Variants in ZNF827 observed in about 807,000 individuals in gnomAD.
The protein encoded by ZNF827 is zinc finger protein 827.
A neutral mutation model predicts 102.4 loss-of-function variants in ZNF827; 13 were observed. The ratio of observed to expected loss-of-function variants is 0.13; its 90% CI spans 0.08 to 0.20. The LOEUF is 0.20. Ranked by LOEUF, ZNF827 falls within the 10% of genes least tolerant of loss-of-function variation. ZNF827 has a pLI of 1.00. For missense variants in ZNF827, 1,103 were observed against 1,344.4 expected (o/e 0.82, Z 2.81); for synonymous variants, 523 against 536.2 (o/e 0.98, Z 0.34).
intron 5 of ZNF827, among the ~76,000 whole-genome samples, chr4:145,849,796 C>G (rs991834529): frequency 6.6e-6 from 1 of 152,178 alleles, no homozygotes; most frequent in African/African-American, 2.4e-5. Context: ...TGTTCGAGAT[C>G]ACAGATGGTA....
chr4:145,834,979 G>A (rs1287451787), intron 7 of ZNF827: 1 of 152,174 alleles, frequency 6.6e-6, no homozygotes, highest in African/African-American at 2.4e-5. Flanking sequence ...GCAGCGGCCA[G>A]GCGTTCCTCC....
chr4:145,823,527 T>TG lies in ZNF827; in HGVS notation c.2280-3dup. 3 of 1,466,116 alleles carry TG rather than the reference T, an allele frequency of 2.0e-6. No homozygotes were observed. The highest frequency in any genetic ancestry group is 1.9e-6 in the Non-Finnish European group (2 of 1,074,990). The allele number at this position is 1,466,116 out of a possible 1,614,324, so 90.8% of individuals were successfully genotyped here. On this transcript the variant is annotated splice_region_variant and splice_polypyrimidine_tract_variant and intron_variant, in intron 7 of 14. Transcript: ENST00000508784. ...AATGTGTCTTCTGAAAAGAAAGGGC[T>TG]GGGGTGGGGGAGGGGGAGTGAAGTT...
chr4:145,922,941 C>T (rs1422201627), intron 1 of ZNF827, among the ~76,000 whole-genome samples: 5 of 152,156 alleles, frequency 3.3e-5, no homozygotes, highest in Admixed American at 6.5e-5. Flanking sequence ...CTTCCCAATA[C>T]GGTCCTTAAA....
chr4:145,808,244 C>T (rs1014755437), intron 8 of ZNF827, among the ~76,000 whole-genome samples: 2 of 152,120 alleles, frequency 1.3e-5, no homozygotes, highest in Non-Finnish European at 2.9e-5. Context: ...CATACTCTAA[C>T]AAAGACAGCC....
At chr4:145,783,620 C>T (rs535391539) in intron 8 of ZNF827, among the ~76,000 whole-genome samples, 4 of 152,364 alleles carry the variant, frequency 2.6e-5, no homozygotes, top group Middle Eastern at 3.4e-3. Flanking sequence ...GCCATGGAAG[C>T]GGCTTGGGTA....
In ZNF827 at chr4:145,828,138, C is replaced by G. The variant is rs146088010; in HGVS notation, c.2280-4613G>C. ...AAAACAATCCATGAAATGCACTGGA[C>G]TTTACGACGTGCCCCGAAGCATGTT... On this transcript the variant is annotated intron_variant, in intron 7 of 14. Transcript: ENST00000508784. Among the ~76,000 whole-genome samples, 3 of 152,282 alleles carry G rather than the reference C, an allele frequency of 2.0e-5. No homozygotes were observed. In the East Asian group the frequency reaches 5.8e-4, roughly 29 times the overall value.
chr4:145,781,195 C>CAAAAAAAAAAAAAAAAAAA (rs10605153), intron 8 of ZNF827, among the ~76,000 whole-genome samples: 45 of 56,552 alleles, frequency 8.0e-4, no homozygotes, highest in South Asian at 2.2e-3. Context: ...GACACCATCT[C>CAAAAAAAAAAAAAAAAAAA]AAAAAAAAAA....
intron 7 of ZNF827, chr4:145,831,840 G>A (rs1455519915): frequency 6.7e-6 from 1 of 148,222 alleles, no homozygotes; most frequent in African/African-American, 2.5e-5. Context: ...ATGGGTGATG[G>A]GAATATAGTG....
intron 8 of ZNF827, among the ~76,000 whole-genome samples, chr4:145,808,360 A>T (rs1044058258): frequency 2.0e-5 from 3 of 151,732 alleles, no homozygotes; most frequent in Non-Finnish European, 4.4e-5. Flanking sequence ...AATACAGCTG[A>T]TTTCCCTGAT....
intron 2 of ZNF827, among the ~76,000 whole-genome samples, chr4:145,897,487 C>G (rs1751071308): frequency 6.6e-6 from 1 of 152,184 alleles, no homozygotes; most frequent in Admixed American, 6.5e-5. Flanking sequence ...GGTCTCCATT[C>G]TGGACCTACT....
intron 2 of ZNF827, 108 bp from the exon 3 acceptor site, chr4:145,892,523 G>A: frequency 1.6e-6 from 2 of 1,233,864 alleles, no homozygotes. Context: ...AATGATTTGG[G>A]TTTTTTTCTT....
At chr4:145,919,185 T>C (rs1026693129) in intron 1 of ZNF827, among the ~76,000 whole-genome samples, 1 of 152,150 alleles carries the variant, frequency 6.6e-6, no homozygotes, top group African/African-American at 2.4e-5. Context: ...GACCAGTAAG[T>C]GGAGGCTGCA....
chr4:145,910,142 G>C (rs537875951), intron 1 of ZNF827, among the ~76,000 whole-genome samples: 3 of 152,146 alleles, frequency 2.0e-5, no homozygotes, highest in African/African-American at 7.2e-5. Flanking sequence ...GTCCACACAC[G>C]GGGGGAGGGA....
intron 7 of ZNF827, among the ~76,000 whole-genome samples, chr4:145,829,309 T>C (rs561436868): frequency 3.5e-4 from 54 of 152,318 alleles, no homozygotes; most frequent in African/African-American, 1.2e-3. Context: ...GAAATTCTAT[T>C]AAATGTAAGA....
rs1466563120 is a variant in ZNF827, at chr4:145,902,603, G to A, written c.656C>T (p.Ala219Val). 1 of 1,614,080 alleles carries A rather than the reference G, an allele frequency of 6.2e-7. No individual in the cohort carries two copies. The highest frequency in any genetic ancestry group is 8.5e-7 in the Non-Finnish European group (1 of 1,179,960). The part of the protein sequence containing the change: ...DSAILKLKAA[A>V]NAVLQDKSLT... ...AGATTTGTCCTGCAGAACGGCATTG[G>A]CTGCAGCTTTCAGTTTTAGGATGGC... Residue 219 changes from alanine to valine, a missense_variant, in exon 2 of 15, where the codon GCC (alanine) becomes GTC (valine). Ala to Val is a moderately conservative substitution (Grantham distance 64). Around this residue, in one of 5 missense-constraint regions of ZNF827, gnomAD observed 441 missense variants for 458.6 expected, o/e 0.96. Coordinates refer to ENST00000508784, the MANE Select transcript of ZNF827 (RefSeq NM_001306215.2). This position sits in a 1 kb window ranked among gnomAD's most constrained non-coding sequence, Gnocchi z 4.3.
At chr4:145,842,333 GA>G (rs1367497005) in intron 7 of ZNF827, among the ~76,000 whole-genome samples, 1 of 152,190 alleles carries the variant, frequency 6.6e-6, no homozygotes, top group Non-Finnish European at 1.5e-5. Context: ...TGATGGTGAG[GA>G]AAGTGCAGTC....
chr4:145,913,669 T>G (rs1752461798), intron 1 of ZNF827, among the ~76,000 whole-genome samples: 1 of 152,184 alleles, frequency 6.6e-6, no homozygotes, highest in African/African-American at 2.4e-5. Context: ...TACCCTTTCA[T>G]GCACCTCTTA....
intron 7 of ZNF827, among the ~76,000 whole-genome samples, chr4:145,835,519 TTAAC>T (rs1356672829): frequency 6.7e-6 from 1 of 149,810 alleles, no homozygotes. Context: ...CTGAGACACT[TTAAC>T]TAAATTATCT....
intron 5 of ZNF827, among the ~76,000 whole-genome samples, chr4:145,856,985 GCA>G (rs70956877): frequency 0.056 from 7,854 of 139,980 alleles, 337 homozygotes; most frequent in African/African-American, 0.13. Flanking sequence ...GCACGCGCAC[GCA>G]CACACACACA....
Sources: allele counts gnomAD v4.1 joint callset (sites outside exome capture counted in the v4.1 genomes callset), GRCh38; gene constraint gnomAD v4.1.1; regional missense constraint gnomAD v4.1.1; non-coding constraint Gnocchi (gnomAD v3.1); transcripts MANE v1.5; gene names NCBI Gene and HGNC (gene_info 2026-07-23, HGNC 2026-07-21).